Variants in EPHA6 observed in about 807,000 individuals in gnomAD.
EPHA6 encodes the protein ephrin type-A receptor 6.
In EPHA6, 50 loss-of-function variants were observed where a neutral mutation model predicts 112.0. The observed-to-expected ratio is 0.45, with a 90% CI of 0.36 to 0.56. EPHA6 has a LOEUF of 0.56. EPHA6 is among the 20% of genes least tolerant of loss of function. EPHA6 has a pLI of 0.00. For synonymous variants in EPHA6, 529 were observed against 490.7 expected, an observed-to-expected ratio of 1.08 and a Z score of -1.03; for missense variants, 1,280 against 1,417.4, an observed-to-expected ratio of 0.90 and a Z score of 1.56.
At chr3:97,663,330 T>G (rs1246118860) in intron 14 of EPHA6, among the ~76,000 whole-genome samples, 1 of 152,042 alleles carries the variant, frequency 6.6e-6, no homozygotes, top group Non-Finnish European at 1.5e-5. Flanking sequence ...TTTTTCTTTT[T>G]TTATATATAC....
intron 7 of EPHA6, among the ~76,000 whole-genome samples, chr3:97,459,398 G>A (rs555203681): frequency 1.8e-3 from 276 of 152,300 alleles, no homozygotes; most frequent in African/African-American, 6.3e-3. Context: ...TTATTCGGCT[G>A]CAAGCTTTGG....
rs1197912445 is a variant in EPHA6, at chr3:97,289,368, T to G, written c.1606+45081T>G. ...TTCCCCATTGTTTATTTGTATTGAG[T>G]TCATCAAAGAACAGATGGCTGAAGT... On this transcript the variant is annotated intron_variant, in intron 5 of 17. Coordinates refer to ENST00000389672, the MANE Select transcript of EPHA6 (RefSeq NM_001080448.3). Among the ~76,000 whole-genome samples, 3 of 152,158 alleles carry G rather than the reference T, an allele frequency of 2.0e-5. No individual in the cohort carries two copies. The South Asian group carries it at 6.2e-4, about 32-fold the overall frequency.
intron 2 of EPHA6, among the ~76,000 whole-genome samples, chr3:96,895,060 T>A (rs567033008): frequency 3.9e-5 from 6 of 152,268 alleles, no homozygotes; most frequent in Non-Finnish European, 8.8e-5. Flanking sequence ...CTGAAAAGTG[T>A]GACACCTCCT....
chr3:97,231,019 G>A (rs2078508991), intron 4 of EPHA6, among the ~76,000 whole-genome samples: 1 of 152,100 alleles, frequency 6.6e-6, no homozygotes, highest in South Asian at 2.1e-4. Flanking sequence ...AGCTGCTACT[G>A]TGTCTGCAGT....
intron 9 of EPHA6, among the ~76,000 whole-genome samples, chr3:97,480,086 T>G (rs2091486253): frequency 6.6e-6 from 1 of 152,210 alleles, no homozygotes; most frequent in Non-Finnish European, 1.5e-5. Flanking sequence ...ATCTTTTATT[T>G]CAAATTGAGC....
At chr3:97,219,071 C>G (rs955318937) in intron 3 of EPHA6, among the ~76,000 whole-genome samples, 3 of 152,032 alleles carry the variant, frequency 2.0e-5, no homozygotes, top group Non-Finnish European at 4.4e-5. Context: ...AAGAGGTGGG[C>G]TCCCACAGTC....
intron 1 of EPHA6, among the ~76,000 whole-genome samples, chr3:96,850,851 CAG>C (rs1269898776): frequency 6.6e-6 from 1 of 151,734 alleles, no homozygotes; most frequent in African/African-American, 2.4e-5. Flanking sequence ...AACTAGCTCA[CAG>C]AGATTTTTGT....
chr3:97,137,256 G>A (rs899935176), intron 3 of EPHA6, among the ~76,000 whole-genome samples: 4 of 152,122 alleles, frequency 2.6e-5, no homozygotes, highest in African/African-American at 7.2e-5. Flanking sequence ...CAGAGTTCCT[G>A]CATCTTATTC....
intron 6 of EPHA6, among the ~76,000 whole-genome samples, chr3:97,427,989 C>A (rs1027191786): frequency 6.6e-6 from 1 of 152,042 alleles, no homozygotes; most frequent in Non-Finnish European, 1.5e-5. Flanking sequence ...ATAATCTATA[C>A]CCCAAATCCC....
intron 3 of EPHA6, among the ~76,000 whole-genome samples, chr3:97,218,757 C>G (rs1198485814): frequency 6.6e-6 from 1 of 152,194 alleles, no homozygotes. Flanking sequence ...GCCTTCCCAA[C>G]TGTCCCCCAA....
At chr3:97,034,720 G>A (rs2045016737) in intron 3 of EPHA6, among the ~76,000 whole-genome samples, 1 of 151,854 alleles carries the variant, frequency 6.6e-6, no homozygotes, top group African/African-American at 2.4e-5. Context: ...AGCATAAGCA[G>A]TCTACTGAAA....
intron 2 of EPHA6, among the ~76,000 whole-genome samples, chr3:96,953,588 C>T (rs949239674): frequency 6.6e-6 from 1 of 152,206 alleles, no homozygotes; most frequent in South Asian, 2.1e-4. Flanking sequence ...CAATTCTACA[C>T]TCTTTTCTGG....
chr3:97,722,976 A>C (rs1208570247), intron 15 of EPHA6, among the ~76,000 whole-genome samples: 2 of 152,190 alleles, frequency 1.3e-5, no homozygotes. Flanking sequence ...AAAGTGCCTC[A>C]CTTTCAATAA....
At chr3:96,981,760 A>T (rs879159757) in intron 2 of EPHA6, among the ~76,000 whole-genome samples, 2 of 151,984 alleles carry the variant, frequency 1.3e-5, no homozygotes, top group African/African-American at 4.8e-5. Context: ...CAGAGATTCA[A>T]CTTCTTCCTG....
intron 16 of EPHA6, 37 bp from the exon 17 acceptor site, chr3:97,747,386 T>C: frequency 6.9e-7 from 1 of 1,448,498 alleles, no homozygotes; most frequent in Non-Finnish European, 9.1e-7. Context: ...GGCTTTTAAA[T>C]GCTCTCCATG....
intron 1 of EPHA6, among the ~76,000 whole-genome samples, chr3:96,862,741 A>AAGACT (rs1207836803): frequency 1.2e-4 from 18 of 152,076 alleles, no homozygotes; most frequent in African/African-American, 4.3e-4. Flanking sequence ...GATGTAGATA[A>AAGACT]AGACTTGATA....
At chr3:97,433,887 A>G (rs140409691) in intron 6 of EPHA6, among the ~76,000 whole-genome samples, 1 of 152,210 alleles carries the variant, frequency 6.6e-6, no homozygotes, top group East Asian at 1.9e-4. Flanking sequence ...GAGAACAGTC[A>G]TCAGATGGTT....
chr3:96,886,554 A>G (rs2107526669), intron 2 of EPHA6, among the ~76,000 whole-genome samples: 1 of 152,184 alleles, frequency 6.6e-6, no homozygotes, highest in South Asian at 2.1e-4. Flanking sequence ...TTATACTTTA[A>G]GTTTGTGTGA....
At chr3:97,365,074 A>T (rs1357513194) in intron 5 of EPHA6, among the ~76,000 whole-genome samples, 1 of 152,192 alleles carries the variant, frequency 6.6e-6, no homozygotes, top group African/African-American at 2.4e-5. Context: ...CTTGATATAC[A>T]GAATGCAATC....
Sources: gnomAD v4.1 joint callset for allele counts (sites outside exome capture counted in the v4.1 genomes callset) on GRCh38, gnomAD v4.1.1 for gene constraint, MANE v1.5 for transcripts, NCBI Gene and HGNC (gene_info 2026-07-23, HGNC 2026-07-21) for gene names.